Variants in ERN1 observed in about 807,000 individuals in gnomAD.
ERN1 encodes the protein serine/threonine-protein kinase/endoribonuclease IRE1.
A neutral mutation model predicts 113.1 loss-of-function variants in ERN1; 39 were observed. The observed-to-expected ratio is 0.34, with a 90% CI of 0.27 to 0.45. The LOEUF (loss-of-function observed/expected upper bound fraction) is 0.45, where lower values mean the gene tolerates loss of function less well. Among genes scored for constraint, ERN1 ranks in the 20% least tolerant of loss-of-function variants. The pLI, the probability that ERN1 is intolerant of heterozygous loss-of-function variation, is 1.00. For synonymous variants in ERN1, 507 were observed against 515.9 expected (o/e 0.98, Z 0.23); for missense variants, 976 against 1,274.8 (o/e 0.77, Z 3.57).
In ERN1 at chr17:64,054,394, G is replaced by T. The variant is rs1366872625; in HGVS notation, c.1809C>A (p.Pro603=). The stretch of plus-strand genomic sequence containing the variant: ...CACGGTCTGCGAAGCTAAAACACTC[G>T]GGGAGGATCCTCTTCACGGCCACGT... ...NRDVAVKRIL[P]ECFSFADREV... is the part of the protein sequence containing the mutation. Residue 603 remains proline, a synonymous_variant, in exon 15 of 22, where the codon CCC becomes CCA. Transcript: ENST00000433197. The surrounding 1 kb of genome is among the most constrained non-coding windows in gnomAD (Gnocchi z 4.9). 1 of 1,595,472 alleles carries T rather than the reference G, an allele frequency of 6.3e-7. No homozygotes were observed. Among genetic ancestry groups the T allele is most frequent in the East Asian group, 2.3e-5 (1 of 43,852 alleles).
At chr17:64,115,865 T>C (rs1174240962) in intron 1 of ERN1, among the ~76,000 whole-genome samples, 1 of 152,168 alleles carries the variant, frequency 6.6e-6, no homozygotes, top group Non-Finnish European at 1.5e-5. Flanking sequence ...TGAAGCATGA[T>C]GATCCATGAC....
At chr17:64,106,715 T>TACACATACAC in intron 1 of ERN1, among the ~76,000 whole-genome samples, 1 of 103,436 alleles carries the variant, frequency 9.7e-6, no homozygotes, top group South Asian at 4.0e-4. Flanking sequence ...CAGGGTTTCT[T>TACACATACAC]ACACACACAC....
chr17:64,103,429 G>A (rs1431262053), intron 1 of ERN1, among the ~76,000 whole-genome samples: 2 of 150,634 alleles, frequency 1.3e-5, no homozygotes, highest in East Asian at 3.9e-4. Flanking sequence ...CCCAGGAGGC[G>A]GAGGCTGCAG....
intron 18 of ERN1, 82 bp downstream of exon 18, chr17:64,048,973 A>T: frequency 7.3e-7 from 1 of 1,378,688 alleles, no homozygotes; most frequent in Non-Finnish European, 9.6e-7. Flanking sequence ...CTGTGAGTGC[A>T]AAGGTGGCAC....
rs181163003 is a variant in ERN1 at position 64,109,385 on chromosome 17, G to A, written c.55-11144C>T. Among the ~76,000 whole-genome samples the A allele has an allele frequency of 2.0e-4, 31 of 152,256 alleles. No individual in the cohort carries two copies. The East Asian group carries it at 5.6e-3, about 28-fold the overall frequency. Reference sequence around the variant, plus strand: ...TTATGACATAATTGCTACCTACACTGGCCAGATGTTGCCAAACTTTAGGCT... The same window carrying A: ...TTATGACATAATTGCTACCTACACTAGCCAGATGTTGCCAAACTTTAGGCT... On this transcript the variant is annotated intron_variant, in intron 1 of 21. Transcript: ENST00000433197.
intron 6 of ERN1, among the ~76,000 whole-genome samples, chr17:64,071,765 C>T (rs967449841): frequency 3.3e-5 from 5 of 152,092 alleles, no homozygotes; most frequent in Non-Finnish European, 5.9e-5. Context: ...AAGGTGGCAG[C>T]GGCGTCACAG....
chr17:64,097,562 T>G (rs1914263967), intron 2 of ERN1, among the ~76,000 whole-genome samples: 1 of 152,242 alleles, frequency 6.6e-6, no homozygotes, highest in Non-Finnish European at 1.5e-5. Flanking sequence ...GGCTTGACTC[T>G]GCTAGTTACC....
chr17:64,120,800 C>G (rs969591519), intron 1 of ERN1, among the ~76,000 whole-genome samples: 1 of 152,198 alleles, frequency 6.6e-6, no homozygotes, highest in African/African-American at 2.4e-5. Flanking sequence ...AGACACACAA[C>G]TGGTGCAATC....
At position 64,096,693 on chromosome 17, in the gene ERN1, G is replaced by A. The variant is rs1387074716; in HGVS notation, c.175+1428C>T. Among the ~76,000 whole-genome samples the A allele has an allele frequency of 2.0e-5, 3 of 152,246 alleles. No individual in the cohort carries two copies. In the East Asian group the frequency reaches 5.8e-4, roughly 29 times the overall value. ...ACACATTCAATTGAGTTAAAAAGAG[G>A]CAAATTCTTTCAGCTCTAAGTTAGA... On this transcript the variant is annotated intron_variant, in intron 2 of 21. Coordinates refer to ENST00000433197, the MANE Select transcript of ERN1 (RefSeq NM_001433.5).
intron 6 of ERN1, among the ~76,000 whole-genome samples, chr17:64,068,709 T>C (rs917654015): frequency 6.6e-6 from 1 of 152,132 alleles, no homozygotes; most frequent in African/African-American, 2.4e-5. Context: ...AGGTGGAGGC[T>C]GGGAGGCTGA....
chr17:64,060,508 A>T lies in ERN1; in HGVS notation c.1167T>A (p.Asn389Lys), dbSNP rs1377135438. 2 of 1,613,628 alleles carry T rather than the reference A, an allele frequency of 1.2e-6. No individual in the cohort carries two copies. The highest frequency in any genetic ancestry group is 1.7e-6 in the Non-Finnish European group (2 of 1,179,790). ...FPNNLPKHRENVIPADSEKKS... is the reference protein window; with the variant it reads ...FPNNLPKHREKVIPADSEKKS... Reference sequence around the variant, plus strand: ...TTTTCTCTGAATCAGCAGGAATCACATTTTCCCGATGTTTGGGTAGATTGT... The same window carrying T: ...TTTTCTCTGAATCAGCAGGAATCACTTTTTCCCGATGTTTGGGTAGATTGT... Residue 389 changes from asparagine (N) to lysine (K), a missense_variant, in exon 11 of 22, where the codon AAT (asparagine) becomes AAA (lysine). Around this residue, in one of 5 missense-constraint regions of ERN1, gnomAD observed 459 missense variants for 581.2 expected, o/e 0.79. Coordinates refer to ENST00000433197, the MANE Select transcript of ERN1 (RefSeq NM_001433.5).
chr17:64,068,282 A>T lies in ERN1; in HGVS notation c.488T>A (p.Ile163Asn). Reference protein sequence around the residue: ...LLYLGRTEYTITMYDTKTREL... With the variant: ...LLYLGRTEYTNTMYDTKTREL... ...TCGGGTTTTGGTGTCGTACATGGTGATGGTGTATTCTAAAGAACACAGACC... is the reference window on the plus strand; with the variant it reads ...TCGGGTTTTGGTGTCGTACATGGTGTTGGTGTATTCTAAAGAACACAGACC... The change falls in exon 7 of 22, where the codon ATC becomes AAC. Residue 163 changes from isoleucine (I) to asparagine (N), a missense_variant. This residue lies in a region of ERN1 where 459 missense variants were observed against 581.2 expected (regional missense o/e 0.79). Coordinates refer to ENST00000433197, the MANE Select transcript of ERN1 (RefSeq NM_001433.5). 1.2e-6 allele frequency: 2 copies of T among 1,611,418 alleles called. No homozygotes were observed. The highest frequency in any genetic ancestry group is 1.7e-6 in the Non-Finnish European group (2 of 1,178,680).
At chr17:64,110,886 T>C (rs888500850) in intron 1 of ERN1, among the ~76,000 whole-genome samples, 2 of 152,100 alleles carry the variant, frequency 1.3e-5, no homozygotes, top group Non-Finnish European at 2.9e-5. Context: ...ACCTTCCGAG[T>C]TGAGGCTCGA....
chr17:64,109,539 T>A (rs1447599019), intron 1 of ERN1, among the ~76,000 whole-genome samples: 2 of 152,224 alleles, frequency 1.3e-5, no homozygotes, highest in Non-Finnish European at 2.9e-5. Flanking sequence ...CAGGCCACCA[T>A]ACCACCTTCC....
chr17:64,081,938 G>A lies in ERN1; in HGVS notation c.176-1130C>T, dbSNP rs145222868. On this transcript the variant is annotated intron_variant, in intron 2 of 21. Coordinates refer to ENST00000433197, the MANE Select transcript of ERN1 (RefSeq NM_001433.5). ...AGTCCGCAGGCAGGAGACTCACAGCGATGAGGTATTTCCAGCAACCAAAAC... is the reference window on the plus strand; with the variant it reads ...AGTCCGCAGGCAGGAGACTCACAGCAATGAGGTATTTCCAGCAACCAAAAC... Among the ~76,000 whole-genome samples, 377 of 152,246 alleles carry A rather than the reference G, an allele frequency of 2.5e-3. 1 individual carries two copies. Among genetic ancestry groups the A allele is most frequent in the African/African-American group, 8.5e-3 (353 of 41,542 alleles).
intron 1 of ERN1, among the ~76,000 whole-genome samples, chr17:64,115,834 G>A (rs1033728216): frequency 1.4e-4 from 22 of 152,150 alleles, no homozygotes; most frequent in African/African-American, 4.8e-4. Context: ...AGAAGCCTGA[G>A]GTGGATGGTG....
intron 4 of ERN1, among the ~76,000 whole-genome samples, chr17:64,078,246 T>C (rs1026658760): frequency 6.6e-6 from 1 of 152,254 alleles, no homozygotes; most frequent in African/African-American, 2.4e-5. Context: ...AGTATGGCAC[T>C]GTGGCTTTAA....
At position 64,065,211 on chromosome 17, in the gene ERN1, C is replaced by A. The variant is rs369579513; in HGVS notation, c.919G>T (p.Val307Leu). 9.3e-6 allele frequency: 15 copies of A among 1,605,502 alleles called. No individual in the cohort carries two copies. The highest frequency in any genetic ancestry group is 8.5e-7 in the Non-Finnish European group (1 of 1,175,826). ...CGAGCCCTCCGTAGTGGACTTACCA[C>A]GACAGCAACCCCCTCGTGTACCATT... Reference protein sequence around the residue: ...PSMVHEGVAVVPRGSTLPLLE... With the variant: ...PSMVHEGVAVLPRGSTLPLLE... Residue 307 changes from valine to leucine, a missense_variant and splice_region_variant, in exon 9 of 22, where the codon GTG becomes TTG. This residue lies in a region of ERN1 where 459 missense variants were observed against 581.2 expected (regional missense o/e 0.79). Coordinates refer to ENST00000433197, the MANE Select transcript of ERN1 (RefSeq NM_001433.5).
chr17:64,049,174 C>A lies in ERN1; in HGVS notation c.2282G>T (p.Gly761Val). The change falls in exon 18 of 22, where the codon GGC (glycine) becomes GTC (valine). Residue 761 changes from glycine (G) to valine (V), a missense_variant. Coordinates refer to ENST00000433197, the MANE Select transcript of ERN1 (RefSeq NM_001433.5). This position sits in a 1 kb window ranked among gnomAD's most constrained non-coding sequence, Gnocchi z 4.7. ...PTYTVDIFSA[G>V]CVFYYVISEG... The stretch of plus-strand genomic sequence containing the variant: ...AGAGATTACGTAGTAAAAGACGCAG[C>A]CTGCAGAAAAGATGTCCACCGTGTA... 1.9e-6 allele frequency: 3 copies of A among 1,601,772 alleles called. No homozygotes were observed. Among genetic ancestry groups the A allele is most frequent in the African/African-American group, 1.3e-5 (1 of 74,762 alleles).
Sources: gnomAD v4.1 joint callset for allele counts (sites outside exome capture counted in the v4.1 genomes callset) on GRCh38, gnomAD v4.1.1 for gene constraint, gnomAD v4.1.1 regional missense constraint, Gnocchi (gnomAD v3.1) non-coding constraint, MANE v1.5 for transcripts, NCBI Gene and HGNC (gene_info 2026-07-23, HGNC 2026-07-21) for gene names.